The following PTPRJ variants were observed in gnomAD, a reference collection of about 807,000 sequenced individuals.
The protein encoded by PTPRJ is receptor-type tyrosine-protein phosphatase eta.
Under a neutral mutation model 141.3 loss-of-function variants are expected in PTPRJ, and 129 were observed. The ratio of observed to expected loss-of-function variants is 0.91; its 90% confidence interval spans 0.79 to 1.06. The LOEUF is 1.06. Among genes scored for constraint, PTPRJ ranks in the 50% least tolerant of loss-of-function variants. The probability of loss-of-function intolerance (pLI) is 0.00; values close to 1 mark genes in which losing one functional copy is unlikely to be tolerated. For missense variants in PTPRJ, 1,601 were observed against 1,679.7 expected (o/e 0.95, Z 0.82); for synonymous variants, 610 against 640.5 (o/e 0.95, Z 0.72).
intron 1 of PTPRJ, among the ~76,000 whole-genome samples, chr11:48,078,624 G>A (rs965074220): frequency 2.6e-5 from 4 of 152,148 alleles, no homozygotes; most frequent in African/African-American, 7.2e-5. Flanking sequence ...CTAGGAGGGA[G>A]GTGGCAGGGG....
chr11:48,081,893 G>T (rs368365355), intron 1 of PTPRJ, among the ~76,000 whole-genome samples: 1 of 152,168 alleles, frequency 6.6e-6, no homozygotes, highest in Non-Finnish European at 1.5e-5. Context: ...CAGGAAGCTC[G>T]AAGTTTGTAG....
intron 1 of PTPRJ, among the ~76,000 whole-genome samples, chr11:48,079,167 A>G (rs1565291873): frequency 6.6e-6 from 1 of 151,728 alleles, no homozygotes; most frequent in Non-Finnish European, 1.5e-5. Flanking sequence ...AAAAAAAAAA[A>G]ATCACAAAAA....
chr11:48,113,496 A>G (rs979536153), intron 3 of PTPRJ, among the ~76,000 whole-genome samples: 1 of 152,188 alleles, frequency 6.6e-6, no homozygotes, highest in African/African-American at 2.4e-5. Context: ...GGCTGCTTTC[A>G]TGCTAGAATT....
intron 9 of PTPRJ, among the ~76,000 whole-genome samples, 182 bp downstream of exon 9, chr11:48,136,478 T>A (rs1441575189): frequency 4.6e-5 from 7 of 152,244 alleles, no homozygotes; most frequent in Non-Finnish European, 7.3e-5. Context: ...CTTCAAGCTA[T>A]GTGAACTTAG....
intron 1 of PTPRJ, among the ~76,000 whole-genome samples, chr11:48,025,520 T>C (rs1590413855): frequency 1.3e-5 from 2 of 152,154 alleles, no homozygotes; most frequent in East Asian, 3.9e-4. Flanking sequence ...ACCATCCAGA[T>C]GGTCAGATAC....
chr11:48,139,442 G>GCAAAAGTC (rs760450696), intron 10 of PTPRJ, 44 bp from the exon 11 acceptor site: 23 of 1,594,038 alleles, frequency 1.4e-5, no homozygotes, highest in Non-Finnish European at 2.0e-5. Context: ...GTTTGCAAAG[G>GCAAAAGTC]CAAAAGTCCC....
intron 1 of PTPRJ, among the ~76,000 whole-genome samples, chr11:48,053,129 AAT>A (rs1854618701): frequency 8.5e-6 from 1 of 118,226 alleles, no homozygotes; most frequent in South Asian, 2.2e-4. Context: ...ATTATATATA[AAT>A]ATATAAATAT....
intron 18 of PTPRJ, among the ~76,000 whole-genome samples, chr11:48,151,437 A>C (rs1857478826): frequency 6.7e-6 from 1 of 148,532 alleles, no homozygotes; most frequent in African/African-American, 2.5e-5. Flanking sequence ...TCTCATTTTA[A>C]TTTGTTTACA....
chr11:48,076,793 A>G (rs1331783703), intron 1 of PTPRJ, among the ~76,000 whole-genome samples: 2 of 152,104 alleles, frequency 1.3e-5, no homozygotes, highest in African/African-American at 4.8e-5. Context: ...TCCAAAAAAA[A>G]AAAAAAAGAT....
intron 12 of PTPRJ, among the ~76,000 whole-genome samples, chr11:48,143,865 C>T (rs2134368323): frequency 6.9e-6 from 1 of 145,974 alleles, no homozygotes; most frequent in East Asian, 2.1e-4. Context: ...CCCTTCTCCC[C>T]TTCTCCTTCC....
chr11:48,166,748 A>T (rs1279668327), intron 24 of PTPRJ, among the ~76,000 whole-genome samples: 1 of 151,906 alleles, frequency 6.6e-6, no homozygotes, highest in Non-Finnish European at 1.5e-5. Flanking sequence ...TGATATACCT[A>T]CCTGAAGGAT....
chr11:48,149,937 T>C (rs369011815), intron 16 of PTPRJ, 53 bp from the exon 17 acceptor site: 32 of 1,345,276 alleles, frequency 2.4e-5, no homozygotes, highest in Non-Finnish European at 3.3e-5. Context: ...ATTTCTAGAG[T>C]ATGAATGAGT....
intron 1 of PTPRJ, among the ~76,000 whole-genome samples, chr11:48,059,966 G>C (rs2134258848): frequency 6.6e-6 from 1 of 152,272 alleles, no homozygotes; most frequent in African/African-American, 2.4e-5. Flanking sequence ...AGCTATAAGG[G>C]AACTTTGAGC....
chr11:48,030,837 A>G (rs1456329277), intron 1 of PTPRJ, among the ~76,000 whole-genome samples: 1 of 152,178 alleles, frequency 6.6e-6, no homozygotes, highest in Non-Finnish European at 1.5e-5. Context: ...GTTCCATGGA[A>G]CACTTCTGCT....
At chr11:48,126,155 G>T (rs1856823592) in intron 6 of PTPRJ, among the ~76,000 whole-genome samples, 1 of 152,168 alleles carries the variant, frequency 6.6e-6, no homozygotes. Flanking sequence ...GTCAAGCCAT[G>T]CACCCAGGGC....
intron 22 of PTPRJ, among the ~76,000 whole-genome samples, chr11:48,161,103 A>G (rs1215063083): frequency 7.0e-6 from 1 of 143,074 alleles, no homozygotes; most frequent in Admixed American, 7.7e-5. Flanking sequence ...GCTTGAGCCC[A>G]GGAGGTCGAG....
chr11:48,032,786 A>C (rs745531859), intron 1 of PTPRJ, among the ~76,000 whole-genome samples: 35 of 152,030 alleles, frequency 2.3e-4, no homozygotes, highest in Non-Finnish European at 4.3e-4. Context: ...ACAACAAAAA[A>C]CCCCAAATCT....
chr11:48,125,275 C>T, intron 6 of PTPRJ, 89 bp downstream of exon 6: 3 of 1,420,482 alleles, frequency 2.1e-6, no homozygotes, highest in South Asian at 1.2e-5. Flanking sequence ...TGATTTCTTG[C>T]ATAACAGCTA....
intron 1 of PTPRJ, among the ~76,000 whole-genome samples, chr11:48,011,961 G>A (rs955406467): frequency 1.3e-5 from 2 of 152,116 alleles, no homozygotes; most frequent in African/African-American, 4.8e-5. Flanking sequence ...ACTGTGCCCC[G>A]CCTCAGTTTT....
Sources: gnomAD v4.1 joint callset for allele counts (sites outside exome capture counted in the v4.1 genomes callset) on GRCh38, gnomAD v4.1.1 for gene constraint, MANE v1.5 for transcripts, NCBI Gene and HGNC (gene_info 2026-07-23, HGNC 2026-07-21) for gene names.